The following TMC5 variants were observed in gnomAD, a reference collection of about 807,000 sequenced individuals.
TMC5 encodes transmembrane channel-like protein 5.
In TMC5, 86 loss-of-function variants were observed where a neutral mutation model predicts 110.5. The ratio of observed to expected loss-of-function variants is 0.78; its 90% CI spans 0.65 to 0.93. The LOEUF is 0.93. Among genes scored for constraint, TMC5 ranks in the 40% least tolerant of loss-of-function variants. The probability of loss-of-function intolerance (pLI) is 0.00; values close to 1 mark genes in which losing one functional copy is unlikely to be tolerated. For synonymous variants in TMC5, 455 were observed against 439.5 expected (o/e 1.04, Z -0.44); for missense variants, 1,144 against 1,222.8 (o/e 0.94, Z 0.96).
At chr16:19,465,221 C>T (rs1490156990) in intron 8 of TMC5, among the ~76,000 whole-genome samples, 5 of 151,740 alleles carry the variant, frequency 3.3e-5, no homozygotes, top group African/African-American at 9.7e-5. Flanking sequence ...TGTCCGCCCC[C>T]GCCTTAAATC....
intron 6 of TMC5, among the ~76,000 whole-genome samples, chr16:19,461,347 G>A (rs760149330): frequency 1.2e-4 from 18 of 152,084 alleles, no homozygotes; most frequent in South Asian, 4.1e-4. Context: ...AGGCTTAGGC[G>A]GGCAGATCAT....
intron 2 of TMC5, among the ~76,000 whole-genome samples, chr16:19,433,714 TAAG>T (rs1294099120): frequency 6.6e-6 from 1 of 152,100 alleles, no homozygotes; most frequent in Non-Finnish European, 1.5e-5. Flanking sequence ...TCTTGGCTAA[TAAG>T]AAGCTCAGGG....
intron 2 of TMC5, among the ~76,000 whole-genome samples, chr16:19,436,639 T>C (rs1967356774): frequency 6.6e-6 from 1 of 152,234 alleles, no homozygotes. Flanking sequence ...TTCTTTTTTT[T>C]CATTTGCAAA....
chr16:19,447,030 A>G (rs905718780), intron 4 of TMC5, among the ~76,000 whole-genome samples: 3 of 152,052 alleles, frequency 2.0e-5, no homozygotes, highest in African/African-American at 7.2e-5. Context: ...TAACAACAAC[A>G]ACAACAACAA....
intron 13 of TMC5, 121 bp from the exon 14 acceptor site, chr16:19,479,310 A>G (rs1968559563): frequency 7.6e-6 from 6 of 792,322 alleles, no homozygotes; most frequent in Non-Finnish European, 1.4e-5. Context: ...TTGAGTACAC[A>G]AGGACTTGGT....
intron 4 of TMC5, among the ~76,000 whole-genome samples, chr16:19,448,863 C>CTTT (rs761356076): frequency 6.2e-5 from 8 of 128,180 alleles, no homozygotes; most frequent in Admixed American, 8.1e-5. Context: ...GTATTTTTTT[C>CTTT]TTTTTTTTTT....
Position 19,440,011 on chromosome 16 carries a change from C to A in TMC5, c.-28C>A, listed in dbSNP as rs988524366. ...AATTGCAAATGCTGGGACAGTTTAC[C>A]ACTCCAGGGTGAAGAGTCCATACCA... On this transcript the variant is annotated 5_prime_UTR_variant, in exon 3 of 22. Transcript: ENST00000542583. 6.4e-7 allele frequency: 1 copy of A among 1,558,972 alleles called. No homozygotes were observed. The highest frequency in any genetic ancestry group is 8.7e-7 in the Non-Finnish European group (1 of 1,145,856).
intron 2 of TMC5, among the ~76,000 whole-genome samples, chr16:19,436,554 A>G (rs559044079): frequency 5.1e-4 from 78 of 152,338 alleles, no homozygotes; most frequent in African/African-American, 1.8e-3. Flanking sequence ...AATGAAGCAC[A>G]GCATTTAGTC....
intron 5 of TMC5, among the ~76,000 whole-genome samples, chr16:19,450,811 T>C (rs1200381949): frequency 6.6e-6 from 1 of 152,136 alleles, no homozygotes; most frequent in Non-Finnish European, 1.5e-5. Flanking sequence ...ACAAGATGCA[T>C]TGATCAAAGT....
At chr16:19,424,574 G>C (rs56314258) in intron 1 of TMC5, among the ~76,000 whole-genome samples, 1 of 152,074 alleles carries the variant, frequency 6.6e-6, no homozygotes, top group Non-Finnish European at 1.5e-5. Flanking sequence ...ACTTCAACCT[G>C]GGAGGCAGAG....
chr16:19,443,148 C>T (rs1029613583), intron 3 of TMC5, among the ~76,000 whole-genome samples: 2 of 152,182 alleles, frequency 1.3e-5, no homozygotes, highest in Non-Finnish European at 1.5e-5. Flanking sequence ...TGATCCTTAG[C>T]ATTACCCAGT....
chr16:19,465,391 G>A (rs1014439566), intron 8 of TMC5, among the ~76,000 whole-genome samples: 3 of 152,058 alleles, frequency 2.0e-5, no homozygotes, highest in Admixed American at 6.6e-5. Context: ...AAAATTAGCC[G>A]GATGTGGTGG....
intron 1 of TMC5, among the ~76,000 whole-genome samples, chr16:19,421,114 G>T (rs531367979): frequency 6.6e-6 from 1 of 152,288 alleles, no homozygotes; most frequent in Admixed American, 6.5e-5. Flanking sequence ...AGTCAGTGTG[G>T]CACTGAGAAA....
At chr16:19,434,702 T>C (rs1300696584) in intron 2 of TMC5, among the ~76,000 whole-genome samples, 2 of 152,036 alleles carry the variant, frequency 1.3e-5, no homozygotes, top group African/African-American at 4.8e-5. Context: ...TTTTGGAAGT[T>C]GCCAGGGTTT....
intron 15 of TMC5, among the ~76,000 whole-genome samples, chr16:19,484,433 A>T (rs959256693): frequency 6.6e-6 from 1 of 152,172 alleles, no homozygotes; most frequent in African/African-American, 2.4e-5. Context: ...TAGTTTTCTA[A>T]TCTTTAAATG....
intron 3 of TMC5, among the ~76,000 whole-genome samples, chr16:19,443,000 T>C (rs1967525313): frequency 1.3e-5 from 2 of 152,202 alleles, no homozygotes; most frequent in South Asian, 4.1e-4. Context: ...ACTTCACTTA[T>C]AGAATGTTTA....
chr16:19,410,709 G>C (rs1361343803), upstream of TMC5: 1 of 152,260 alleles, frequency 6.6e-6, no homozygotes, highest in Admixed American at 6.5e-5. Context: ...CGCCGCCTGC[G>C]GGCTGCTTCG....
chr16:19,419,047 G>A (rs1966919585), intron 1 of TMC5, among the ~76,000 whole-genome samples: 1 of 152,128 alleles, frequency 6.6e-6, no homozygotes, highest in East Asian at 1.9e-4. Context: ...TGTTGTTGAT[G>A]ATGATGATCC....
chr16:19,422,951 GTTAA>G (rs1222870929), intron 1 of TMC5, among the ~76,000 whole-genome samples: 3 of 151,988 alleles, frequency 2.0e-5, no homozygotes, highest in African/African-American at 7.3e-5. Flanking sequence ...CAGTCTGGAT[GTTAA>G]TTAATTAAAA....
Sources: allele counts gnomAD v4.1 joint callset (sites outside exome capture counted in the v4.1 genomes callset), GRCh38; gene constraint gnomAD v4.1.1; transcripts MANE v1.5; gene names NCBI Gene and HGNC (gene_info 2026-07-23, HGNC 2026-07-21).